ZMAT3: variants seen among roughly 807,000 people sequenced by gnomAD.
ZMAT3 encodes the protein zinc finger matrin-type protein 3.
ZMAT3 carries 17 observed loss-of-function variants against 32.3 expected under a neutral mutation model. The observed-to-expected ratio is 0.53, with a 90% confidence interval of 0.36 to 0.79. The LOEUF (loss-of-function observed/expected upper bound fraction) is 0.79. Among genes scored for constraint, ZMAT3 ranks in the 30% least tolerant of loss-of-function variants. ZMAT3 has a pLI of 0.00. For synonymous variants in ZMAT3, 120 were observed against 133.1 expected, an observed-to-expected ratio of 0.90 and a Z score of 0.68; for missense variants, 329 against 359.7, an observed-to-expected ratio of 0.91 and a Z score of 0.69.
At chr3:179,052,501 G>A (rs1720621417) in intron 2 of ZMAT3, among the ~76,000 whole-genome samples, 1 of 152,160 alleles carries the variant, frequency 6.6e-6, no homozygotes. Flanking sequence ...AATAATAGAT[G>A]TTGGCATGGA....
At position 179,067,822 on chromosome 3, in the gene ZMAT3, CA is replaced by C; in HGVS notation, c.-57-14del. On this transcript the variant is annotated splice_polypyrimidine_tract_variant and intron_variant, in intron 1 of 5. Coordinates refer to ENST00000311417, the MANE Select transcript of ZMAT3 (RefSeq NM_022470.4). Reference sequence around the variant, plus strand: ...AAGGTCTTCAAATCTGAATCAACAGCAAAAAAACAGAAAAAAAAACTCACTT... The same window carrying C: ...AAGGTCTTCAAATCTGAATCAACAGCAAAAAACAGAAAAAAAAACTCACTT... The C allele has an allele frequency of 1.9e-6, 3 of 1,549,030 alleles. No individual in the cohort carries two copies. Among genetic ancestry groups the C allele is most frequent in the South Asian group, 1.2e-5 (1 of 82,352 alleles).
At chr3:179,027,622 C>A (rs2108536210) in intron 4 of ZMAT3, 24 bp downstream of exon 4, 1 of 1,613,946 alleles carries the variant, frequency 6.2e-7, no homozygotes, top group Non-Finnish European at 8.5e-7. Context: ...ACACTTTGGC[C>A]TCAGAGAAAA....
chr3:179,058,553 G>A (rs1277470169), intron 2 of ZMAT3, among the ~76,000 whole-genome samples: 1 of 152,050 alleles, frequency 6.6e-6, no homozygotes, highest in Non-Finnish European at 1.5e-5. Context: ...TCAGGAGATC[G>A]AGACCATCCT....
chr3:179,060,954 T>C (rs1355269121), intron 2 of ZMAT3, among the ~76,000 whole-genome samples: 1 of 152,098 alleles, frequency 6.6e-6, no homozygotes, highest in African/African-American at 2.4e-5. Flanking sequence ...GAAAAATAAT[T>C]TTCAACCTGG....
chr3:179,062,020 G>T (rs1037096541), intron 2 of ZMAT3, among the ~76,000 whole-genome samples: 1 of 152,110 alleles, frequency 6.6e-6, no homozygotes, highest in African/African-American at 2.4e-5. Context: ...GTAGGGAATG[G>T]GTGGAGAACA....
intron 2 of ZMAT3, among the ~76,000 whole-genome samples, chr3:179,052,386 T>C (rs939737378): frequency 6.6e-6 from 1 of 151,946 alleles, no homozygotes; most frequent in African/African-American, 2.4e-5. Context: ...AATAAACATA[T>C]GAAAAAAATG....
rs145860870 is a variant in ZMAT3, at chr3:179,067,835, A to C, written c.-57-26T>G. 6.3e-5 allele frequency: 98 copies of C among 1,544,852 alleles called. No homozygotes were observed. The Middle Eastern group carries it at 2.1e-3, about 34-fold the overall frequency. On this transcript the variant is annotated intron_variant, in intron 1 of 5. Transcript: ENST00000311417. The stretch of plus-strand genomic sequence containing the variant: ...CTGAATCAACAGCAAAAAAACAGAA[A>C]AAAAAACTCACTTGAAAATCAGACT...
chr3:179,030,029 C>T (rs1415919340), intron 3 of ZMAT3, among the ~76,000 whole-genome samples: 3 of 152,128 alleles, frequency 2.0e-5, no homozygotes, highest in African/African-American at 7.2e-5. Context: ...ACATATAACA[C>T]TTCAAAGACA....
chr3:179,037,802 T>C (rs1184288774), intron 2 of ZMAT3, among the ~76,000 whole-genome samples: 2 of 152,178 alleles, frequency 1.3e-5, no homozygotes, highest in Admixed American at 1.3e-4. Flanking sequence ...TGGCGGAAGA[T>C]AACAGGGTTA....
At chr3:179,041,082 C>A (rs1025249514) in intron 2 of ZMAT3, among the ~76,000 whole-genome samples, 4 of 152,146 alleles carry the variant, frequency 2.6e-5, no homozygotes, top group African/African-American at 9.7e-5. Flanking sequence ...ATTCATAAAG[C>A]AAGTCCTCAG....
chr3:179,046,212 A>AGAGGTACCC lies in ZMAT3; in HGVS notation c.271-15214_271-15213insGGGTACCTC, dbSNP rs2108563383. Among the ~76,000 whole-genome samples, 1 of 152,350 alleles carries AGAGGTACCC rather than the reference A, an allele frequency of 6.6e-6. No individual in the cohort carries two copies. The highest frequency in any genetic ancestry group is 1.5e-5 in the Non-Finnish European group (1 of 68,032). On this transcript the variant is annotated intron_variant, in intron 2 of 5. Coordinates refer to ENST00000311417, the MANE Select transcript of ZMAT3 (RefSeq NM_022470.4). This position sits in a 1 kb window ranked among gnomAD's most constrained non-coding sequence, Gnocchi z 4.3. ...TGACTACAGGAACACAGTCCATGAA[A>AGAGGTACCC]AGGCAGAAGAGGTACCCAGTACTAG...
At chr3:179,039,808 T>C (rs528917515) in intron 2 of ZMAT3, among the ~76,000 whole-genome samples, 7 of 152,216 alleles carry the variant, frequency 4.6e-5, no homozygotes, top group East Asian at 1.9e-4. Flanking sequence ...TTCGAACCCA[T>C]CGCAAGGAAG....
At chr3:179,065,274 T>C (rs1721350133) in intron 2 of ZMAT3, among the ~76,000 whole-genome samples, 2 of 152,200 alleles carry the variant, frequency 1.3e-5, no homozygotes, top group African/African-American at 4.8e-5. Context: ...TTTTGAGAAA[T>C]TTACCTAAAT....
chr3:179,064,103 C>T (rs1721283627), intron 2 of ZMAT3, among the ~76,000 whole-genome samples: 1 of 152,218 alleles, frequency 6.6e-6, no homozygotes, highest in African/African-American at 2.4e-5. Context: ...CCATTGTTTA[C>T]AATACCCGAG....
intron 5 of ZMAT3, among the ~76,000 whole-genome samples, 173 bp from the exon 6 acceptor site, chr3:179,025,401 C>T (rs1718813824): frequency 6.6e-6 from 1 of 152,152 alleles, no homozygotes; most frequent in African/African-American, 2.4e-5. Context: ...TACACAGGTT[C>T]GATCTAAAAA....
At chr3:179,041,588 G>A (rs1003658391) in intron 2 of ZMAT3, among the ~76,000 whole-genome samples, 6 of 152,096 alleles carry the variant, frequency 3.9e-5, no homozygotes, top group Non-Finnish European at 4.4e-5. Context: ...AAGCAGTGTG[G>A]TAGAGGGAAA....
chr3:179,064,658 T>C (rs924637598), intron 2 of ZMAT3, among the ~76,000 whole-genome samples: 4 of 152,160 alleles, frequency 2.6e-5, no homozygotes, highest in Non-Finnish European at 1.5e-5. Context: ...CTTGAACTCC[T>C]GAACGCAAAC....
In ZMAT3 at chr3:179,030,447, C is replaced by T. The variant is rs189351047; in HGVS notation, c.390+433G>A. 8.3e-4 allele frequency among the ~76,000 whole-genome samples: 126 copies of T among 151,676 alleles called. 2 individuals carry two copies. Among genetic ancestry groups the T allele is most frequent in the Middle Eastern group, 3.4e-3 (1 of 294 alleles). On this transcript the variant is annotated intron_variant, in intron 3 of 5. Transcript: ENST00000311417. ...TCAGCTCACTGCAAGCTCCGCCTCC[C>T]GGGTTCGCACCTTTCTCCTGCCTCA... is the stretch of plus-strand genomic sequence containing the variant.
intron 2 of ZMAT3, among the ~76,000 whole-genome samples, chr3:179,065,215 T>C (rs1721348081): frequency 6.6e-6 from 1 of 152,220 alleles, no homozygotes; most frequent in South Asian, 2.1e-4. Context: ...GCTTAAATTG[T>C]CCCATTACAT....
Sources: gnomAD v4.1 joint callset for allele counts (sites outside exome capture counted in the v4.1 genomes callset) on GRCh38, gnomAD v4.1.1 for gene constraint, Gnocchi (gnomAD v3.1) non-coding constraint, MANE v1.5 for transcripts, NCBI Gene and HGNC (gene_info 2026-07-23, HGNC 2026-07-21) for gene names.